Variants in DCC observed in about 807,000 individuals in gnomAD.
DCC encodes netrin receptor DCC.
A neutral mutation model predicts 172.5 loss-of-function variants in DCC; 58 were observed. The ratio of observed to expected loss-of-function variants is 0.34; its 90% confidence interval spans 0.27 to 0.42. The LOEUF is 0.42. Among genes scored for constraint, DCC ranks in the 10% least tolerant of loss-of-function variants. The probability of loss-of-function intolerance (pLI) is 1.00; values close to 1 mark genes in which losing one functional copy is unlikely to be tolerated. For missense variants in DCC, 1,740 were observed against 1,791.0 expected (o/e 0.97, Z 0.51); for synonymous variants, 709 against 644.5 (o/e 1.10, Z -1.52).
At chr18:53,030,981 G>A (rs1407301557) in intron 5 of DCC, among the ~76,000 whole-genome samples, 1 of 152,146 alleles carries the variant, frequency 6.6e-6, no homozygotes, top group Non-Finnish European at 1.5e-5. Flanking sequence ...TTTTCTGGCT[G>A]GGTGGGGTGG....
chr18:53,033,024 G>A lies in DCC; in HGVS notation c.986-30281G>A, dbSNP rs1959655290. Among the ~76,000 whole-genome samples, 4 of 152,118 alleles carry A rather than the reference G, an allele frequency of 2.6e-5. No homozygotes were observed. In the South Asian group the frequency reaches 8.3e-4, roughly 32 times the overall value. On this transcript the variant is annotated intron_variant, in intron 5 of 28. Coordinates refer to ENST00000442544, the MANE Select transcript of DCC (RefSeq NM_005215.4). ...CTGCTTTAGTATGCTTTACATTCAG[G>A]TTAAATAGAGTTAGTCTCCATGAAA...
intron 1 of DCC, among the ~76,000 whole-genome samples, chr18:52,508,462 G>A (rs1404616066): frequency 6.6e-6 from 1 of 152,118 alleles, no homozygotes; most frequent in Non-Finnish European, 1.5e-5. Flanking sequence ...TTAAACAGAT[G>A]TTGAACCACA....
At chr18:52,982,172 G>A (rs2041222168) in intron 5 of DCC, among the ~76,000 whole-genome samples, 1 of 152,102 alleles carries the variant, frequency 6.6e-6, no homozygotes, top group Non-Finnish European at 1.5e-5. Flanking sequence ...TAAATTTACA[G>A]AGGGAGGATA....
At chr18:53,131,277 G>T (rs765301808) in intron 7 of DCC, among the ~76,000 whole-genome samples, 2 of 151,774 alleles carry the variant, frequency 1.3e-5, no homozygotes, top group Non-Finnish European at 2.9e-5. Context: ...TCTCAAGAAG[G>T]GCTTTGAAAA....
chr18:52,626,375 T>G (rs2095361277), intron 1 of DCC, among the ~76,000 whole-genome samples: 1 of 152,300 alleles, frequency 6.6e-6, no homozygotes, highest in South Asian at 2.1e-4. Context: ...CTTTCTCTAT[T>G]TTATGCCTAG....
chr18:53,092,269 A>G (rs2043024797), intron 7 of DCC, among the ~76,000 whole-genome samples: 1 of 152,134 alleles, frequency 6.6e-6, no homozygotes, highest in Non-Finnish European at 1.5e-5. Context: ...TATTTTTAAC[A>G]AGCAACTCAG....
At chr18:52,791,473 T>G (rs902505581) in intron 2 of DCC, among the ~76,000 whole-genome samples, 11 of 125,946 alleles carry the variant, frequency 8.7e-5, no homozygotes, top group African/African-American at 1.6e-4. Flanking sequence ...TTGTGTTTTG[T>G]TTTTTTTTTG....
chr18:52,916,317 C>A (rs1280309117), intron 3 of DCC, among the ~76,000 whole-genome samples: 1 of 151,196 alleles, frequency 6.6e-6, no homozygotes, highest in Non-Finnish European at 1.5e-5. Context: ...CAAAAATGAA[C>A]AAAGTGAGCC....
At chr18:52,963,963 G>A (rs2040887601) in intron 5 of DCC, among the ~76,000 whole-genome samples, 1 of 151,946 alleles carries the variant, frequency 6.6e-6, no homozygotes, top group Non-Finnish European at 1.5e-5. Context: ...TTTTAAAAAG[G>A]TGCATAAGGA....
intron 5 of DCC, among the ~76,000 whole-genome samples, chr18:52,929,361 T>C (rs2040268139): frequency 6.6e-6 from 1 of 152,120 alleles, no homozygotes; most frequent in Admixed American, 6.6e-5. Flanking sequence ...TTATTTTTAA[T>C]CTTACTGAAA....
chr18:53,180,190 A>T (rs1377343947), intron 9 of DCC, among the ~76,000 whole-genome samples: 1 of 152,208 alleles, frequency 6.6e-6, no homozygotes, highest in Non-Finnish European at 1.5e-5. Flanking sequence ...GTCTGAGTGC[A>T]CTTTCCACAG....
chr18:52,579,029 A>G (rs890702792), intron 1 of DCC, among the ~76,000 whole-genome samples: 3 of 152,202 alleles, frequency 2.0e-5, no homozygotes, highest in African/African-American at 7.2e-5. Flanking sequence ...ACTGAACTTT[A>G]GGTAATTTAA....
At chr18:52,703,741 GA>G (rs551576416) in intron 1 of DCC, among the ~76,000 whole-genome samples, 7 of 142,248 alleles carry the variant, frequency 4.9e-5, no homozygotes, top group Non-Finnish European at 9.3e-5. Flanking sequence ...TTTTTTTTTT[GA>G]AAATGTGCTC....
intron 1 of DCC, among the ~76,000 whole-genome samples, chr18:52,474,764 C>T (rs145099576): frequency 7.9e-5 from 12 of 152,254 alleles, no homozygotes; most frequent in African/African-American, 2.4e-4. Context: ...AGATCTCTTC[C>T]GCTCCATCTG....
chr18:53,086,266 TTC>T lies in DCC; in HGVS notation c.1261+20102_1261+20103del, dbSNP rs1367004676. Among the ~76,000 whole-genome samples, 2 of 49,476 alleles carry T rather than the reference TTC, an allele frequency of 4.0e-5. 1 individual carries two copies. The highest frequency in any genetic ancestry group is 7.3e-5 in the Non-Finnish European group (2 of 27,280). 32.5% of individuals were successfully genotyped at this position (49,476 alleles called of 152,430 possible). The stretch of plus-strand genomic sequence containing the variant: ...TCTTCTTCCTTTCTTCTTCTTCTTC[TTC>T]TTCTTCCTTTCTTCTTCTTCTTCTT... On this transcript the variant is annotated intron_variant, in intron 7 of 28. Coordinates refer to ENST00000442544, the MANE Select transcript of DCC (RefSeq NM_005215.4).
At chr18:52,898,704 T>G (rs1205033761) in intron 2 of DCC, among the ~76,000 whole-genome samples, 1 of 152,006 alleles carries the variant, frequency 6.6e-6, no homozygotes, top group Admixed American at 6.6e-5. Flanking sequence ...TACCTCATTT[T>G]TTTTTTTTTA....
chr18:52,499,013 C>T (rs1489105650), intron 1 of DCC, among the ~76,000 whole-genome samples: 1 of 152,200 alleles, frequency 6.6e-6, no homozygotes, highest in Non-Finnish European at 1.5e-5. Context: ...GACATCTTCT[C>T]TGACCGTACC....
chr18:52,587,136 C>A (rs944546581), intron 1 of DCC, among the ~76,000 whole-genome samples: 1 of 152,220 alleles, frequency 6.6e-6, no homozygotes, highest in Admixed American at 6.5e-5. Flanking sequence ...ATATAATCAA[C>A]TTAACACCAG....
rs1241200086 is a variant in DCC at position 52,374,227 on chromosome 18, G to T, written c.91+33349G>T. Among the ~76,000 whole-genome samples, 4 of 151,992 alleles carry T rather than the reference G, an allele frequency of 2.6e-5. No homozygotes were observed. In the South Asian group the frequency reaches 6.2e-4, roughly 24 times the overall value. On this transcript the variant is annotated intron_variant, in intron 1 of 28. Transcript: ENST00000442544. ...AATCTAGATTATCCTTTACAAACTT[G>T]CAGAGTTCACTGAGTAGAACCTAAA...
Sources: allele counts gnomAD v4.1 joint callset (sites outside exome capture counted in the v4.1 genomes callset), GRCh38; gene constraint gnomAD v4.1.1; transcripts MANE v1.5; gene names NCBI Gene and HGNC (gene_info 2026-07-23, HGNC 2026-07-21).